Variants in SNX27 observed in about 807,000 individuals in gnomAD.
The protein encoded by SNX27 is sorting nexin 27.
In SNX27, 22 loss-of-function variants were observed where a neutral mutation model predicts 71.6. That is an observed-to-expected ratio of 0.31 (90% confidence interval 0.22 to 0.44). The LOEUF is 0.44. Among genes scored for constraint, SNX27 ranks in the 20% least tolerant of loss-of-function variants. SNX27 has a pLI of 1.00. For missense variants in SNX27, 531 were observed against 698.6 expected, an observed-to-expected ratio of 0.76 and a Z score of 2.70; for synonymous variants, 269 against 277.2, an observed-to-expected ratio of 0.97 and a Z score of 0.29.
chr1:151,655,891 G>A (rs752975765), intron 2 of SNX27, among the ~76,000 whole-genome samples: 2 of 152,116 alleles, frequency 1.3e-5, no homozygotes, highest in Non-Finnish European at 1.5e-5. Flanking sequence ...AGAGGAATAA[G>A]TTCCAGATGG....
chr1:151,613,608 C>G (rs1173862723), intron 1 of SNX27, among the ~76,000 whole-genome samples: 4 of 152,136 alleles, frequency 2.6e-5, no homozygotes, highest in African/African-American at 4.8e-5. Flanking sequence ...AGCCCACCCT[C>G]TCTCCCCTGC....
chr1:151,655,742 G>A (rs1669653531), intron 2 of SNX27, among the ~76,000 whole-genome samples: 1 of 152,148 alleles, frequency 6.6e-6, no homozygotes, highest in South Asian at 2.1e-4. Flanking sequence ...TTAATGGGAG[G>A]TTAATTACCA....
At chr1:151,692,686 A>G (rs1279012528) in intron 9 of SNX27, 102 bp downstream of exon 9, 1 of 1,521,358 alleles carries the variant, frequency 6.6e-7, no homozygotes, top group African/African-American at 1.4e-5. Flanking sequence ...ATGAAATCAA[A>G]ACTGTATTTT....
intron 1 of SNX27, among the ~76,000 whole-genome samples, chr1:151,631,189 A>G (rs763519741): frequency 3.3e-5 from 5 of 152,228 alleles, no homozygotes; most frequent in Non-Finnish European, 5.9e-5. Context: ...TTGTCTTTAC[A>G]GTGTAGTTTC....
At chr1:151,635,198 C>T (rs761715706) in intron 1 of SNX27, among the ~76,000 whole-genome samples, 27 of 152,178 alleles carry the variant, frequency 1.8e-4, no homozygotes, top group Non-Finnish European at 3.1e-4. Context: ...AATACTATAA[C>T]ACAAATAGCT....
chr1:151,653,731 G>A (rs1669542561), intron 2 of SNX27, among the ~76,000 whole-genome samples: 1 of 151,908 alleles, frequency 6.6e-6, no homozygotes, highest in Non-Finnish European at 1.5e-5. Flanking sequence ...ATTTTGTTCA[G>A]GCTGGTCTCA....
intron 7 of SNX27, 76 bp from the exon 8 acceptor site, chr1:151,683,278 CTG>C: frequency 8.6e-7 from 1 of 1,161,632 alleles, no homozygotes; most frequent in Non-Finnish European, 1.2e-6. Flanking sequence ...GAAAATGCGT[CTG>C]TGTCTGTTTT....
intron 8 of SNX27, among the ~76,000 whole-genome samples, chr1:151,691,767 G>A (rs772205539): frequency 2.0e-5 from 3 of 152,050 alleles, no homozygotes; most frequent in Admixed American, 1.3e-4. Flanking sequence ...ACCCGCCTCG[G>A]CCTCTCAAAG....
At chr1:151,657,987 T>C (rs1383363160) in intron 2 of SNX27, among the ~76,000 whole-genome samples, 1 of 151,972 alleles carries the variant, frequency 6.6e-6, no homozygotes, top group Admixed American at 6.6e-5. Flanking sequence ...GGCAACAGAG[T>C]GAGATTCCAT....
intron 1 of SNX27, among the ~76,000 whole-genome samples, chr1:151,636,690 A>G (rs1426502079): frequency 7.6e-6 from 1 of 131,190 alleles, no homozygotes; most frequent in East Asian, 2.2e-4. Flanking sequence ...AAAAAAAAAA[A>G]GGATATTCAT....
chr1:151,617,881 T>G (rs1009995526), intron 1 of SNX27, among the ~76,000 whole-genome samples: 2 of 6,224 alleles, frequency 3.2e-4, no homozygotes, highest in Non-Finnish European at 1.3e-3. Context: ...TAGAGCTGTT[T>G]TTTTTTTTTT....
chr1:151,641,598 G>GATATATATATATGTAT (rs1553257787), intron 2 of SNX27, among the ~76,000 whole-genome samples: 1 of 78,994 alleles, frequency 1.3e-5, no homozygotes, highest in Non-Finnish European at 2.5e-5. Flanking sequence ...TCCTTTATCA[G>GATATATATATATGTAT]ATATATATAT....
Position 151,614,376 on chromosome 1 carries a change from T to G in SNX27, c.311+1864T>G, listed in dbSNP as rs576635348. On this transcript the variant is annotated intron_variant, in intron 1 of 11. Coordinates refer to ENST00000458013, the MANE Select transcript of SNX27 (RefSeq NM_001330723.2). ...GTTTTGATCGTCACCCAGGCTGGAG[T>G]GCAGTGGCGCGATCTCGGCTCACTG... 7 of 152,500 alleles carry G rather than the reference T, an allele frequency of 4.6e-5. No homozygotes were observed. The East Asian group carries it at 1.3e-3, about 29-fold the overall frequency. 9.4% of individuals were successfully genotyped at this position (152,500 alleles called of 1,614,324 possible). A position where few individuals can be genotyped will look rare whatever the true frequency, so the allele number is the denominator to read the frequency against.
chr1:151,657,608 A>G (rs1669755381), intron 2 of SNX27, among the ~76,000 whole-genome samples: 1 of 152,174 alleles, frequency 6.6e-6, no homozygotes, highest in South Asian at 2.1e-4. Context: ...TTATTGACTC[A>G]CTATATTTAC....
chr1:151,687,804 C>G (rs928490441), intron 8 of SNX27, among the ~76,000 whole-genome samples: 25 of 152,112 alleles, frequency 1.6e-4, no homozygotes, highest in African/African-American at 5.5e-4. Flanking sequence ...AAAAATTAGC[C>G]GGGCGTGGTG....
chr1:151,671,427 G>T (rs1424611337), intron 7 of SNX27, among the ~76,000 whole-genome samples: 1 of 151,580 alleles, frequency 6.6e-6, no homozygotes, highest in African/African-American at 2.4e-5. Context: ...TTGTAGAGGT[G>T]GGGGGTCTTG....
chr1:151,628,291 G>A (rs1191816588), intron 1 of SNX27, among the ~76,000 whole-genome samples: 1 of 152,126 alleles, frequency 6.6e-6, no homozygotes. Context: ...GCAGGCATGA[G>A]CCACTGCGTC....
chr1:151,650,636 G>C (rs1669281387), intron 2 of SNX27, among the ~76,000 whole-genome samples: 1 of 151,106 alleles, frequency 6.6e-6, no homozygotes, highest in Non-Finnish European at 1.5e-5. Context: ...ATAATTCTTG[G>C]GTGTTTCTCA....
intron 1 of SNX27, among the ~76,000 whole-genome samples, chr1:151,634,797 G>A (rs1668397774): frequency 6.6e-6 from 1 of 152,066 alleles, no homozygotes; most frequent in African/African-American, 2.4e-5. Flanking sequence ...TGAGAGAATT[G>A]TACAGTGAAT....
Sources: gnomAD v4.1 joint callset for allele counts (sites outside exome capture counted in the v4.1 genomes callset) on GRCh38, gnomAD v4.1.1 for gene constraint, MANE v1.5 for transcripts, NCBI Gene and HGNC (gene_info 2026-07-23, HGNC 2026-07-21) for gene names.